The following CACNA2D3 variants were observed in gnomAD, a reference collection of about 807,000 sequenced individuals.
CACNA2D3 encodes the protein voltage-dependent calcium channel subunit alpha-2/delta-3.
Under a neutral mutation model 160.6 loss-of-function variants are expected in CACNA2D3, and 60 were observed. The ratio of observed to expected loss-of-function variants is 0.37; its 90% CI spans 0.30 to 0.46. The LOEUF is 0.46. Ranked by LOEUF, CACNA2D3 falls within the 20% of genes least tolerant of loss-of-function variation. The pLI is 1.00. For synonymous variants in CACNA2D3, 558 were observed against 492.9 expected, an observed-to-expected ratio of 1.13 and a Z score of -1.75; for missense variants, 1,205 against 1,365.0, an observed-to-expected ratio of 0.88 and a Z score of 1.85.
intron 11 of CACNA2D3, among the ~76,000 whole-genome samples, chr3:54,690,243 T>C (rs866485284): frequency 1.3e-5 from 2 of 152,168 alleles, no homozygotes; most frequent in African/African-American, 4.8e-5. Flanking sequence ...TCTAGTTCTG[T>C]CCATTGACTC....
At chr3:54,205,638 T>C (rs542072375) in intron 2 of CACNA2D3, among the ~76,000 whole-genome samples, 2 of 152,308 alleles carry the variant, frequency 1.3e-5, no homozygotes, top group East Asian at 3.9e-4. Flanking sequence ...ATGCCTATAA[T>C]TGATGATAAG....
At chr3:54,199,521 C>T (rs373270614) in intron 2 of CACNA2D3, among the ~76,000 whole-genome samples, 38 of 152,050 alleles carry the variant, frequency 2.5e-4, no homozygotes, top group Middle Eastern at 3.4e-3. Flanking sequence ...CCGTCCCCTC[C>T]GCCTCCCGCC....
At chr3:54,699,689 G>C (rs1559552862) in intron 11 of CACNA2D3, among the ~76,000 whole-genome samples, 1 of 152,104 alleles carries the variant, frequency 6.6e-6, no homozygotes, top group Non-Finnish European at 1.5e-5. Flanking sequence ...AGCTTGCTGT[G>C]TTCCTTTGGG....
intron 3 of CACNA2D3, among the ~76,000 whole-genome samples, chr3:54,346,881 T>C (rs1014861110): frequency 6.6e-6 from 1 of 152,224 alleles, no homozygotes; most frequent in African/African-American, 2.4e-5. Flanking sequence ...GCTTTTTCCC[T>C]ATAATTTTAA....
chr3:54,572,197 C>A (rs1404436810), intron 8 of CACNA2D3, among the ~76,000 whole-genome samples: 3 of 152,178 alleles, frequency 2.0e-5, no homozygotes, highest in African/African-American at 7.2e-5. Flanking sequence ...TCTGATCAGA[C>A]TCTCAGAACA....
chr3:54,879,114 C>T, intron 19 of CACNA2D3, 25 bp downstream of exon 19: 4 of 1,489,502 alleles, frequency 2.7e-6, no homozygotes, highest in Non-Finnish European at 3.7e-6. Flanking sequence ...AACATTTTTG[C>T]TGCTTAATTT....
intron 27 of CACNA2D3, among the ~76,000 whole-genome samples, chr3:54,956,589 T>C (rs1701900426): frequency 6.6e-6 from 1 of 152,144 alleles, no homozygotes; most frequent in Admixed American, 6.5e-5. Flanking sequence ...CAACTGGTCT[T>C]AGGCTGTCAT....
At chr3:54,605,241 G>A (rs6445704) in intron 9 of CACNA2D3, among the ~76,000 whole-genome samples, 62,253 of 151,964 alleles carry the variant, frequency 0.41, 13,303 homozygotes, top group African/African-American at 0.5. Flanking sequence ...TACATCTGCA[G>A]CAACCCTTCT....
chr3:55,044,897 TTAGA>T (rs1406936450), intron 35 of CACNA2D3, among the ~76,000 whole-genome samples: 4 of 152,210 alleles, frequency 2.6e-5, no homozygotes, highest in African/African-American at 9.6e-5. Context: ...TCTTTAGTCT[TTAGA>T]TAATTTTTGA....
intron 8 of CACNA2D3, among the ~76,000 whole-genome samples, chr3:54,570,508 A>C (rs1325129743): frequency 6.8e-6 from 1 of 146,170 alleles, no homozygotes; most frequent in Non-Finnish European, 1.5e-5. Flanking sequence ...ATAATAATTG[A>C]TAATAATAAT....
chr3:54,200,540 A>C (rs1701159991), intron 2 of CACNA2D3, among the ~76,000 whole-genome samples: 1 of 152,232 alleles, frequency 6.6e-6, no homozygotes, highest in Non-Finnish European at 1.5e-5. Context: ...CTCCTAACAT[A>C]GAATGCTGAG....
At chr3:54,482,359 A>G (rs1024254573) in intron 4 of CACNA2D3, among the ~76,000 whole-genome samples, 8 of 152,176 alleles carry the variant, frequency 5.3e-5, no homozygotes, top group African/African-American at 1.4e-4. Flanking sequence ...ATCCCTTATT[A>G]CACTCTTACA....
chr3:54,992,011 C>T (rs1254618166), intron 31 of CACNA2D3, among the ~76,000 whole-genome samples: 3 of 151,694 alleles, frequency 2.0e-5, no homozygotes, highest in Non-Finnish European at 4.4e-5. Flanking sequence ...TACTACATAG[C>T]AGTTACCTTT....
Position 54,919,192 on chromosome 3 carries a change from C to G in CACNA2D3, c.2449+19324C>G, listed in dbSNP as rs546962807. On this transcript the variant is annotated intron_variant, in intron 27 of 37. Coordinates refer to ENST00000474759, the MANE Select transcript of CACNA2D3 (RefSeq NM_018398.3). ...AACAATGCAAAAGCTGACAAGAAGG[C>G]ACGCTGGGGGCCGATGGTGAGGGCA... is the stretch of plus-strand genomic sequence containing the variant. Among the ~76,000 whole-genome samples, 730 of 152,326 alleles carry G rather than the reference C, an allele frequency of 4.8e-3. 6 individuals are homozygous for G. The highest frequency in any genetic ancestry group is 0.017 in the African/African-American group (693 of 41,576).
intron 4 of CACNA2D3, among the ~76,000 whole-genome samples, chr3:54,432,579 C>T (rs534450608): frequency 1.3e-5 from 2 of 152,200 alleles, no homozygotes; most frequent in East Asian, 1.9e-4. Flanking sequence ...TCAGTGCCAG[C>T]GGACCCAGTT....
At chr3:54,348,375 C>T (rs964262437) in intron 3 of CACNA2D3, among the ~76,000 whole-genome samples, 1 of 152,110 alleles carries the variant, frequency 6.6e-6, no homozygotes, top group African/African-American at 2.4e-5. Flanking sequence ...ATTTTAACTG[C>T]AAGATAAAAT....
chr3:54,448,901 T>A (rs1344785169), intron 4 of CACNA2D3, among the ~76,000 whole-genome samples: 1 of 152,246 alleles, frequency 6.6e-6, no homozygotes. Flanking sequence ...AGGTTCATCT[T>A]CTGTTATTTT....
chr3:54,350,567 A>C (rs1365529952), intron 3 of CACNA2D3, among the ~76,000 whole-genome samples: 1 of 152,236 alleles, frequency 6.6e-6, no homozygotes, highest in African/African-American at 2.4e-5. Flanking sequence ...ACTGCAAAAT[A>C]GTTCACACTT....
chr3:54,812,503 C>T (rs1394495567), intron 13 of CACNA2D3, among the ~76,000 whole-genome samples: 4 of 152,156 alleles, frequency 2.6e-5, no homozygotes, highest in South Asian at 2.1e-4. Flanking sequence ...AGAGAGAGCA[C>T]GGACAGTCTT....
Sources: gnomAD v4.1 joint callset for allele counts (sites outside exome capture counted in the v4.1 genomes callset) on GRCh38, gnomAD v4.1.1 for gene constraint, MANE v1.5 for transcripts, NCBI Gene and HGNC (gene_info 2026-07-23, HGNC 2026-07-21) for gene names.